Variants in FOXP1 observed in about 807,000 individuals in gnomAD.
The protein encoded by FOXP1 is forkhead box protein P1.
Under a neutral mutation model 98.2 loss-of-function variants are expected in FOXP1, and 15 were observed. The ratio of observed to expected loss-of-function variants is 0.15; its 90% confidence interval spans 0.10 to 0.24. The LOEUF is 0.24. FOXP1 is among the 10% of genes least tolerant of loss of function. FOXP1 has a pLI of 1.00. For missense variants in FOXP1, 633 were observed against 848.5 expected (o/e 0.75, Z 3.15); for synonymous variants, 371 against 314.5 (o/e 1.18, Z -1.90).
chr3:71,052,514 A>C, intron 9 of FOXP1, 23 bp downstream of exon 9: 1 of 984,684 alleles, frequency 1.0e-6, no homozygotes, highest in Non-Finnish European at 1.7e-6. Flanking sequence ...GTGGTTTGAA[A>C]GTAAAATATG....
At chr3:71,205,265 T>C (rs1275669825) in intron 5 of FOXP1, among the ~76,000 whole-genome samples, 8 of 152,190 alleles carry the variant, frequency 5.3e-5, no homozygotes, top group Admixed American at 5.2e-4. Flanking sequence ...AATTTTCTTG[T>C]GGTATAATTT....
chr3:71,306,233 T>C (rs1177549241), intron 4 of FOXP1, among the ~76,000 whole-genome samples: 3 of 152,154 alleles, frequency 2.0e-5, no homozygotes, highest in Admixed American at 6.5e-5. Flanking sequence ...GTCAGTTAAA[T>C]GTTATGTTGC....
rs1553650569 is a variant in FOXP1 at position 70,958,318 on chromosome 3, T to TTTCTG, written c.*928_*929insCAGAA. ...TTCCTAGAGTTTGTCTCTCTTTTTT[T>TTTCTG]TTTCTGTCATTCATTCTCTTTCTGG... On this transcript the variant is annotated 3_prime_UTR_variant, in exon 21 of 21. Coordinates refer to ENST00000649528, the MANE Select transcript of FOXP1 (RefSeq NM_001349338.3). The TTTCTG allele has an allele frequency of 1.6e-4, 85 of 536,696 alleles. No homozygotes were observed. Among genetic ancestry groups the TTTCTG allele is most frequent in the African/African-American group, 1.4e-3 (74 of 53,686 alleles). The allele number at this position is 536,696 out of a possible 1,614,324, so 33.2% of individuals were successfully genotyped here. A position where few individuals can be genotyped will look rare whatever the true frequency, so the allele number is the denominator to read the frequency against.
At chr3:71,441,835 G>T (rs185216864) in intron 3 of FOXP1, among the ~76,000 whole-genome samples, 32 of 152,316 alleles carry the variant, frequency 2.1e-4, no homozygotes, top group Admixed American at 5.2e-4. Context: ...CAACATCTTG[G>T]CAGCCTATCA....
chr3:71,017,800 C>T (rs1325723787), intron 11 of FOXP1, among the ~76,000 whole-genome samples: 3 of 152,134 alleles, frequency 2.0e-5, no homozygotes, highest in Non-Finnish European at 4.4e-5. Context: ...AATATTATCA[C>T]AACTGACTGC....
chr3:71,269,975 C>A (rs956868312), intron 5 of FOXP1, among the ~76,000 whole-genome samples: 5 of 152,162 alleles, frequency 3.3e-5, no homozygotes, highest in African/African-American at 1.2e-4. Context: ...TTCTTCTATA[C>A]TTTTTGCCAA....
intron 6 of FOXP1, among the ~76,000 whole-genome samples, chr3:71,158,556 G>A (rs1466794122): frequency 6.6e-6 from 1 of 152,106 alleles, no homozygotes; most frequent in African/African-American, 2.4e-5. Context: ...TTCACTGTCT[G>A]CTGAATGCTC....
chr3:71,173,530 A>G (rs772214252), intron 6 of FOXP1, among the ~76,000 whole-genome samples: 7 of 152,328 alleles, frequency 4.6e-5, no homozygotes, highest in Non-Finnish European at 8.8e-5. Context: ...CATACATTAG[A>G]CATGGAGAAG....
chr3:71,048,954 G>C (rs993983837), intron 9 of FOXP1, among the ~76,000 whole-genome samples: 1 of 152,038 alleles, frequency 6.6e-6, no homozygotes, highest in Admixed American at 6.6e-5. Context: ...AGCTGTCTAC[G>C]TTTGAAAAGC....
intron 14 of FOXP1, among the ~76,000 whole-genome samples, chr3:70,984,672 T>C (rs1384163571): frequency 3.3e-5 from 5 of 152,142 alleles, no homozygotes; most frequent in African/African-American, 1.2e-4. Flanking sequence ...CTTGAGTCTT[T>C]GGTTTTGTTC....
intron 7 of FOXP1, among the ~76,000 whole-genome samples, chr3:71,064,200 C>G (rs1040632255): frequency 1.3e-5 from 2 of 152,208 alleles, no homozygotes; most frequent in African/African-American, 4.8e-5. Flanking sequence ...TCTCCCTCCC[C>G]CTTTACTGTG....
chr3:71,432,860 A>T (rs1256287105), intron 3 of FOXP1, among the ~76,000 whole-genome samples: 2 of 151,368 alleles, frequency 1.3e-5, no homozygotes, highest in East Asian at 1.9e-4. Context: ...AAAAAAAAAA[A>T]AAAAAATTAA....
intron 5 of FOXP1, among the ~76,000 whole-genome samples, chr3:71,249,577 T>G (rs911157590): frequency 6.6e-6 from 1 of 152,210 alleles, no homozygotes; most frequent in Admixed American, 6.5e-5. Flanking sequence ...CCCAGCCCTC[T>G]GGCTGAGACA....
intron 11 of FOXP1, among the ~76,000 whole-genome samples, chr3:71,019,030 G>T (rs1036197735): frequency 3.3e-5 from 5 of 152,160 alleles, no homozygotes; most frequent in Admixed American, 1.3e-4. Context: ...CTTTGCAGTC[G>T]TTCTGTATGA....
intron 11 of FOXP1, among the ~76,000 whole-genome samples, chr3:71,022,351 T>A (rs1007599406): frequency 2.6e-5 from 4 of 152,234 alleles, no homozygotes; most frequent in African/African-American, 9.6e-5. Flanking sequence ...AAAGAATTTA[T>A]AGTTAAAATT....
At chr3:71,277,238 A>G (rs1361856672) in intron 5 of FOXP1, among the ~76,000 whole-genome samples, 1 of 149,448 alleles carries the variant, frequency 6.7e-6, no homozygotes, top group African/African-American at 2.5e-5. Context: ...GATTACAGGC[A>G]TGAGCCACCG....
At chr3:71,520,840 C>T (rs544055308) in intron 2 of FOXP1, among the ~76,000 whole-genome samples, 12 of 152,262 alleles carry the variant, frequency 7.9e-5, no homozygotes, top group East Asian at 1.9e-4. Context: ...TAATCAGCAA[C>T]GACAGTTGCC....
intron 2 of FOXP1, chr3:71,570,164 C>T (rs1479576132): frequency 6.6e-6 from 1 of 152,196 alleles, no homozygotes; most frequent in South Asian, 2.1e-4. Context: ...TACTGGGACT[C>T]CAAGTCTCAA....
chr3:71,375,267 G>T (rs2079630659), intron 3 of FOXP1, among the ~76,000 whole-genome samples: 1 of 152,160 alleles, frequency 6.6e-6, no homozygotes, highest in Non-Finnish European at 1.5e-5. Flanking sequence ...CACAGCTCAT[G>T]CTGAGAAGAA....
Sources: gnomAD v4.1 joint callset for allele counts (sites outside exome capture counted in the v4.1 genomes callset) on GRCh38, gnomAD v4.1.1 for gene constraint, MANE v1.5 for transcripts, NCBI Gene and HGNC (gene_info 2026-07-23, HGNC 2026-07-21) for gene names.